DGKI: variants seen among roughly 807,000 people sequenced by gnomAD.
DGKI encodes diacylglycerol kinase iota, also known as DAG kinase iota.
A neutral mutation model predicts 147.5 loss-of-function variants in DGKI; 55 were observed. The observed-to-expected ratio is 0.37, with a 90% CI of 0.30 to 0.47. The LOEUF (loss-of-function observed/expected upper bound fraction) is 0.47, where lower values mean the gene tolerates loss of function less well. Ranked by LOEUF, DGKI falls within the 20% of genes least tolerant of loss-of-function variation. The pLI is 1.00. For missense variants in DGKI, 1,007 were observed against 1,323.8 expected, an observed-to-expected ratio of 0.76 and a Z score of 3.71; for synonymous variants, 469 against 477.1, an observed-to-expected ratio of 0.98 and a Z score of 0.22.
At chr7:137,833,760 T>C (rs1798285348) in intron 1 of DGKI, among the ~76,000 whole-genome samples, 1 of 152,060 alleles carries the variant, frequency 6.6e-6, no homozygotes, top group African/African-American at 2.4e-5. Flanking sequence ...GCTATCAGGG[T>C]GGTGAGAGGA....
At chr7:137,627,148 C>G (rs1372854331) in intron 6 of DGKI, among the ~76,000 whole-genome samples, 1 of 152,180 alleles carries the variant, frequency 6.6e-6, no homozygotes, top group African/African-American at 2.4e-5. Flanking sequence ...AACCTACCCC[C>G]ATTTCATATA....
At position 137,585,371 on chromosome 7, in the gene DGKI, T is replaced by C; in HGVS notation, c.1426-25A>G. 3.7e-6 allele frequency: 6 copies of C among 1,612,182 alleles called. 1 individual carries two copies. In the South Asian group the frequency reaches 6.6e-5, roughly 18 times the overall value. ...CCTGAGGAATCAGAGAACATATCCA[T>C]TGCTGTCCAGAGTGGAGAACAGTGA... On this transcript the variant is annotated intron_variant, in intron 13 of 32. Transcript: ENST00000614521.
intron 28 of DGKI, among the ~76,000 whole-genome samples, chr7:137,436,183 CTAT>C (rs1404161160): frequency 6.6e-6 from 1 of 152,120 alleles, no homozygotes; most frequent in Non-Finnish European, 1.5e-5. Context: ...GAGAACTCTA[CTAT>C]TTAAAAAAAT....
At chr7:137,543,774 G>T (rs897920375) in intron 20 of DGKI, among the ~76,000 whole-genome samples, 7 of 152,084 alleles carry the variant, frequency 4.6e-5, no homozygotes, top group Non-Finnish European at 7.4e-5. Flanking sequence ...ATGTTACCAT[G>T]GTTTTTTCAA....
chr7:137,668,603 GACA>G (rs111839762), intron 3 of DGKI, among the ~76,000 whole-genome samples: 8 of 152,312 alleles, frequency 5.3e-5, no homozygotes, highest in East Asian at 3.9e-4. Flanking sequence ...TACAGGAGAG[GACA>G]ACAAGGGCAG....
At chr7:137,594,578 C>T (rs1010786054) in intron 12 of DGKI, among the ~76,000 whole-genome samples, 3 of 152,212 alleles carry the variant, frequency 2.0e-5, no homozygotes, top group African/African-American at 7.2e-5. Context: ...TGGCAGCATT[C>T]TGCCAGCTTC....
intron 8 of DGKI, among the ~76,000 whole-genome samples, chr7:137,613,945 A>G (rs979656181): frequency 6.6e-6 from 1 of 152,208 alleles, no homozygotes; most frequent in Non-Finnish European, 1.5e-5. Context: ...AACGCACAGT[A>G]AAAACTCTGC....
In DGKI at chr7:137,535,772, C is replaced by T. The variant is rs112172364; in HGVS notation, c.2148-13806G>A. On this transcript the variant is annotated intron_variant, in intron 20 of 32. Transcript: ENST00000614521. ...TGTGGAAGGGGCCCTAAGTGTATTG[C>T]GCCTTTACATAAGTGGACTGATTGC... is the stretch of plus-strand genomic sequence containing the variant. 5.9e-5 allele frequency among the ~76,000 whole-genome samples: 9 copies of T among 152,154 alleles called. No homozygotes were observed. In the South Asian group the frequency reaches 1.5e-3, roughly 25 times the overall value.
At chr7:137,686,416 C>T (rs149170260) in intron 2 of DGKI, among the ~76,000 whole-genome samples, 195 of 152,254 alleles carry the variant, frequency 1.3e-3, no homozygotes, top group Middle Eastern at 0.01. Context: ...CTGACATGCA[C>T]GGAGGAAAAT....
At chr7:137,732,286 A>T (rs1794907791) in intron 1 of DGKI, among the ~76,000 whole-genome samples, 1 of 152,094 alleles carries the variant, frequency 6.6e-6, no homozygotes, top group Non-Finnish European at 1.5e-5. Context: ...CCCATGTTGC[A>T]GAATCTGTGT....
rs978040677 is a variant in DGKI, at chr7:137,566,454, C to T, written c.1947+4721G>A. Among the ~76,000 whole-genome samples, 18 of 151,902 alleles carry T rather than the reference C, an allele frequency of 1.2e-4. 1 individual carries two copies. The highest frequency in any genetic ancestry group is 2.5e-4 in the Non-Finnish European group (17 of 67,982). ...AAAGAGAGAAATATATGCCAGTATA[C>T]ATTTAGAGGTCATAGAATGTTCAAA... On this transcript the variant is annotated intron_variant, in intron 19 of 32. Transcript: ENST00000614521.
At chr7:137,641,337 A>C (rs1475728742) in intron 6 of DGKI, among the ~76,000 whole-genome samples, 2 of 152,192 alleles carry the variant, frequency 1.3e-5, no homozygotes, top group Non-Finnish European at 2.9e-5. Context: ...GAACAGTATA[A>C]AAAATGTAGA....
intron 1 of DGKI, among the ~76,000 whole-genome samples, chr7:137,798,817 T>C (rs1797110517): frequency 6.6e-6 from 1 of 152,208 alleles, no homozygotes; most frequent in African/African-American, 2.4e-5. Flanking sequence ...AAGGAGATTT[T>C]ACCCTAGGAG....
chr7:137,572,927 CA>C (rs1724041405), intron 17 of DGKI, 89 bp from the exon 18 acceptor site: 2 of 869,228 alleles, frequency 2.3e-6, no homozygotes, highest in Non-Finnish European at 3.6e-6. Context: ...TAGTACACAC[CA>C]TGGTCTCTTT....
At chr7:137,820,249 A>G (rs1403444247) in intron 1 of DGKI, among the ~76,000 whole-genome samples, 2 of 152,222 alleles carry the variant, frequency 1.3e-5, no homozygotes, top group Admixed American at 6.5e-5. Context: ...ACCCAAATGA[A>G]TCTCACAGCA....
chr7:137,681,361 G>T lies in DGKI; in HGVS notation c.511-2709C>A, dbSNP rs192926088. 7.1e-3 allele frequency among the ~76,000 whole-genome samples: 1,086 copies of T among 152,276 alleles called. 9 individuals carry two copies. The highest frequency in any genetic ancestry group is 9.2e-3 in the Admixed American group (140 of 15,296). On this transcript the variant is annotated intron_variant, in intron 2 of 32. Coordinates refer to ENST00000614521, the MANE Select transcript of DGKI (RefSeq NM_001321708.2). ...CAAGAGAAGCATAGCTATGGGTTCA[G>T]ACCCTAAAAGTTTTCAGATAGTGAT...
chr7:137,770,783 T>G lies in DGKI; in HGVS notation c.401+75679A>C, dbSNP rs1796169990. 4.1e-5 allele frequency among the ~76,000 whole-genome samples: 2 copies of G among 49,168 alleles called. 1 individual carries two copies. Among genetic ancestry groups the G allele is most frequent in the South Asian group, 1.1e-3 (2 of 1,750 alleles). The allele number at this position is 49,168 out of a possible 152,430, so 32.3% of individuals were successfully genotyped here. A position where few individuals can be genotyped will look rare whatever the true frequency, so the allele number is the denominator to read the frequency against. Reference sequence around the variant, plus strand: ...CTCCTGACCTCGTGATCCGCCCGCCTCGGCCTCCCAAAGTGCTGGGATTAC... The same window carrying G: ...CTCCTGACCTCGTGATCCGCCCGCCGCGGCCTCCCAAAGTGCTGGGATTAC... On this transcript the variant is annotated intron_variant, in intron 1 of 32. Transcript: ENST00000614521.
At chr7:137,692,315 C>T (rs1025729235) in intron 1 of DGKI, among the ~76,000 whole-genome samples, 2 of 152,190 alleles carry the variant, frequency 1.3e-5, no homozygotes, top group Admixed American at 6.5e-5. Flanking sequence ...GATTCCTTAA[C>T]AGTCACCACA....
At chr7:137,572,292 T>C (rs1423852694) in intron 18 of DGKI, among the ~76,000 whole-genome samples, 2 of 152,228 alleles carry the variant, frequency 1.3e-5, no homozygotes. Context: ...CATGGAGAGT[T>C]GACATCCTGG....
Sources: gnomAD v4.1 joint callset for allele counts (sites outside exome capture counted in the v4.1 genomes callset) on GRCh38, gnomAD v4.1.1 for gene constraint, MANE v1.5 for transcripts, NCBI Gene and HGNC (gene_info 2026-07-23, HGNC 2026-07-21) for gene names.